Variants in IKZF2 observed in about 807,000 individuals in gnomAD.
IKZF2 encodes zinc finger protein Helios.
IKZF2 carries 15 observed loss-of-function variants against 49.2 expected under a neutral mutation model. The ratio of observed to expected loss-of-function variants is 0.30; its 90% CI spans 0.20 to 0.47. The LOEUF (loss-of-function observed/expected upper bound fraction) is 0.47, where lower values mean the gene tolerates loss of function less well. Ranked by LOEUF, IKZF2 falls within the 20% of genes least tolerant of loss-of-function variation. IKZF2 has a pLI of 1.00. For missense variants in IKZF2, 567 were observed against 664.6 expected, an observed-to-expected ratio of 0.85 and a Z score of 1.61; for synonymous variants, 227 against 221.4, an observed-to-expected ratio of 1.03 and a Z score of -0.23.
intron 8 of IKZF2, 86 bp from the exon 9 acceptor site, chr2:213,008,170 G>A (rs1053226182): frequency 1.2e-5 from 17 of 1,389,180 alleles, no homozygotes; most frequent in South Asian, 7.7e-5. Flanking sequence ...GAAAGGGTAC[G>A]AAGTTGACTG....
At position 213,006,495 on chromosome 2, in the gene IKZF2, C is replaced by T. The variant is rs1392792558; in HGVS notation, c.*865G>A. The T allele has an allele frequency of 6.6e-6, 1 of 152,482 alleles. No homozygotes were observed. Among genetic ancestry groups the T allele is most frequent in the Admixed American group, 6.6e-5 (1 of 15,242 alleles). The allele number at this position is 152,482 out of a possible 1,614,324, so 9.4% of individuals were successfully genotyped here. A position where few individuals can be genotyped will look rare whatever the true frequency, so the allele number is the denominator to read the frequency against. ...ATTACAACTTTAAAAGAAAACCTCT[C>T]AAACAAATTTATGAAAGTAGAAGTC... On this transcript the variant is annotated 3_prime_UTR_variant, in exon 9 of 9. Coordinates refer to ENST00000434687, the MANE Select transcript of IKZF2 (RefSeq NM_001387220.1).
intron 4 of IKZF2, among the ~76,000 whole-genome samples, chr2:213,083,551 C>CTT (rs35297007): frequency 1.2e-3 from 112 of 93,950 alleles, no homozygotes; most frequent in African/African-American, 2.0e-3. Flanking sequence ...ACCAGGCTAA[C>CTT]TTTTTTTTTT....
At chr2:213,104,810 T>C (rs2059469661) in intron 4 of IKZF2, among the ~76,000 whole-genome samples, 1 of 152,164 alleles carries the variant, frequency 6.6e-6, no homozygotes, top group Admixed American at 6.5e-5. Context: ...CCTTAAAAGA[T>C]CCACATAGCA....
intron 4 of IKZF2, among the ~76,000 whole-genome samples, chr2:213,058,985 A>G (rs1489207771): frequency 6.6e-6 from 1 of 151,850 alleles, no homozygotes; most frequent in Non-Finnish European, 1.5e-5. Flanking sequence ...CATCCAGTTA[A>G]TCATTGGAAA....
At chr2:213,068,912 AACACACAC>A (rs3069572) in intron 4 of IKZF2, among the ~76,000 whole-genome samples, 51 of 147,160 alleles carry the variant, frequency 3.5e-4, no homozygotes, top group Admixed American at 6.8e-4. Context: ...GGAGGGAGAA[AACACACAC>A]ACACACACAC....
chr2:213,048,246 G>A (rs1314295248), intron 6 of IKZF2, among the ~76,000 whole-genome samples: 3 of 151,892 alleles, frequency 2.0e-5, no homozygotes, highest in Non-Finnish European at 4.4e-5. Flanking sequence ...TGAGCACGAT[G>A]GCAGTTATAA....
chr2:213,065,419 G>T (rs1702077050), intron 4 of IKZF2, among the ~76,000 whole-genome samples: 1 of 151,992 alleles, frequency 6.6e-6, no homozygotes, highest in Admixed American at 6.6e-5. Flanking sequence ...CACCCAATAT[G>T]TATTTGTTGA....
chr2:213,132,163 G>T, intron 4 of IKZF2, among the ~76,000 whole-genome samples: 1 of 152,076 alleles, frequency 6.6e-6, no homozygotes, highest in Non-Finnish European at 1.5e-5. Flanking sequence ...CAGTCGGTTA[G>T]GTGCTAAAAG....
At chr2:213,128,794 A>AT (rs977952879) in intron 4 of IKZF2, among the ~76,000 whole-genome samples, 7 of 117,590 alleles carry the variant, frequency 6.0e-5, no homozygotes, top group East Asian at 6.1e-4. Flanking sequence ...CACCACACTA[A>AT]TTTTTTTTTC....
chr2:213,111,505 T>C (rs1265931365), intron 4 of IKZF2, among the ~76,000 whole-genome samples: 1 of 152,090 alleles, frequency 6.6e-6, no homozygotes, highest in East Asian at 1.9e-4. Flanking sequence ...ATACAAAACA[T>C]ACCATCTGCA....
chr2:213,089,598 T>C (rs369653287), intron 4 of IKZF2, among the ~76,000 whole-genome samples: 3 of 152,156 alleles, frequency 2.0e-5, no homozygotes, highest in East Asian at 3.9e-4. Flanking sequence ...GAAAATCCAC[T>C]GCTTTTGTAA....
intron 4 of IKZF2, among the ~76,000 whole-genome samples, chr2:213,078,910 T>C (rs1530239): frequency 0.9 from 137,368 of 152,266 alleles, 62,147 homozygotes; most frequent in African/African-American, 0.92. Flanking sequence ...GAAACAATAG[T>C]GGCATGGTGA....
intron 4 of IKZF2, among the ~76,000 whole-genome samples, chr2:213,107,425 C>T (rs1485125220): frequency 5.3e-5 from 8 of 152,134 alleles, no homozygotes; most frequent in Non-Finnish European, 7.3e-5. Flanking sequence ...ATTTTAAGTA[C>T]GTGTACATAC....
rs1190068452 is a variant in IKZF2, at chr2:213,150,132, A to C, written c.-16+12T>G. The C allele has an allele frequency of 2.3e-6, 3 of 1,285,466 alleles. No individual in the cohort carries two copies. In the South Asian group the frequency reaches 3.7e-5, roughly 16 times the overall value. 79.6% of individuals were successfully genotyped at this position (1,285,466 alleles called of 1,614,324 possible). On this transcript the variant is annotated intron_variant, in intron 2 of 8. Transcript: ENST00000434687. The stretch of plus-strand genomic sequence containing the variant: ...AAAAGAAAAAGGAGAAAGAGAAACG[A>C]AATGTACATACAAAAGAAATTGTCC...
At chr2:213,087,081 A>C (rs1034171396) in intron 4 of IKZF2, among the ~76,000 whole-genome samples, 23 of 152,164 alleles carry the variant, frequency 1.5e-4, no homozygotes, top group African/African-American at 5.5e-4. Flanking sequence ...TTAAAGTGGT[A>C]ATCTTAGGTT....
chr2:213,099,152 A>G (rs1706345910), intron 4 of IKZF2, among the ~76,000 whole-genome samples: 1 of 152,146 alleles, frequency 6.6e-6, no homozygotes, highest in South Asian at 2.1e-4. Context: ...TATACTGATG[A>G]AGATCTGAAG....
intron 6 of IKZF2, among the ~76,000 whole-genome samples, chr2:213,039,520 C>G (rs1433528236): frequency 6.6e-6 from 1 of 152,126 alleles, no homozygotes; most frequent in Middle Eastern, 3.4e-3. Context: ...AATTGTCAAA[C>G]ACTGAGTAGG....
At chr2:213,128,323 C>T (rs957766891) in intron 4 of IKZF2, among the ~76,000 whole-genome samples, 3 of 152,130 alleles carry the variant, frequency 2.0e-5, no homozygotes, top group Non-Finnish European at 2.9e-5. Context: ...ACATTTATTT[C>T]TTCAAAACTT....
chr2:213,069,263 C>A (rs151203229), intron 4 of IKZF2, among the ~76,000 whole-genome samples: 55 of 152,174 alleles, frequency 3.6e-4, no homozygotes, highest in African/African-American at 1.3e-3. Context: ...ACAAGCTAGC[C>A]ACCAGGTTTT....
Sources: gnomAD v4.1 joint callset for allele counts (sites outside exome capture counted in the v4.1 genomes callset) on GRCh38, gnomAD v4.1.1 for gene constraint, MANE v1.5 for transcripts, NCBI Gene and HGNC (gene_info 2026-07-23, HGNC 2026-07-21) for gene names.